Variants in CCM2 observed in about 807,000 individuals in gnomAD.
CCM2 encodes CCM2 scaffold protein.
Under a neutral mutation model 44.9 loss-of-function variants are expected in CCM2, and 25 were observed. The ratio of observed to expected loss-of-function variants is 0.56; its 90% CI spans 0.41 to 0.78. CCM2 has a LOEUF of 0.78. CCM2 is among the 30% of genes least tolerant of loss of function. The pLI is 0.00. For synonymous variants in CCM2, 219 were observed against 241.1 expected, an observed-to-expected ratio of 0.91 and a Z score of 0.85; for missense variants, 481 against 580.6, an observed-to-expected ratio of 0.83 and a Z score of 1.76.
chr7:45,069,198 C>T (rs1213179597), intron 5 of CCM2, among the ~76,000 whole-genome samples: 1 of 152,224 alleles, frequency 6.6e-6, no homozygotes, highest in Admixed American at 6.5e-5. Flanking sequence ...CTTAAATATC[C>T]TCTAATGAGC....
At chr7:45,054,390 G>T (rs890597130) in intron 2 of CCM2, among the ~76,000 whole-genome samples, 1 of 151,956 alleles carries the variant, frequency 6.6e-6, no homozygotes, top group African/African-American at 2.4e-5. Flanking sequence ...TCAGAATCCT[G>T]TTCCTTCCCT....
chr7:45,040,729 G>A, intron 2 of CCM2, among the ~76,000 whole-genome samples: 1 of 152,144 alleles, frequency 6.6e-6, no homozygotes, highest in East Asian at 1.9e-4. Context: ...GCTCACGCCT[G>A]TAATCCCAGC....
intron 8 of CCM2, chr7:45,073,953 T>TA (rs1396793033): frequency 3.8e-6 from 2 of 533,266 alleles, no homozygotes; most frequent in Non-Finnish European, 6.8e-6. Flanking sequence ...GTGTGTAGCC[T>TA]AAGGGCACAG....
intron 7 of CCM2, chr7:45,073,051 A>T (rs1429486409): frequency 3.3e-6 from 2 of 611,488 alleles, no homozygotes; most frequent in Non-Finnish European, 5.9e-6. Context: ...GGCATGTTGG[A>T]TGGAGCTGTT....
Position 45,073,641 on chromosome 7 carries a change from G to A in CCM2, c.915+70G>A. On this transcript the variant is annotated intron_variant, in intron 8 of 9. Coordinates refer to ENST00000258781, the MANE Select transcript of CCM2 (RefSeq NM_031443.4). ...TGCCCCAGGGAGGATGGGGGGAAGG[G>A]GAGGAGGAGGAGGAGCAGTGCAGGG... 4.1e-6 allele frequency: 4 copies of A among 969,646 alleles called. No homozygotes were observed. The South Asian group carries it at 4.3e-5, about 10-fold the overall frequency. The allele number at this position is 969,646 out of a possible 1,614,324, so 60.1% of individuals were successfully genotyped here.
chr7:45,064,954 C>T (rs1329362368), intron 4 of CCM2, among the ~76,000 whole-genome samples: 1 of 152,102 alleles, frequency 6.6e-6, no homozygotes, highest in Non-Finnish European at 1.5e-5. Context: ...AGTGGAGTTG[C>T]CCCTCTGCCC....
chr7:45,062,086 T>G (rs76959754), intron 2 of CCM2, among the ~76,000 whole-genome samples: 1 of 152,340 alleles, frequency 6.6e-6, no homozygotes, highest in East Asian at 1.9e-4. Context: ...TATTGTTTTT[T>G]CATGTGACCT....
intron 1 of CCM2, among the ~76,000 whole-genome samples, chr7:45,034,378 A>G (rs1797111578): frequency 6.6e-6 from 1 of 151,730 alleles, no homozygotes; most frequent in African/African-American, 2.4e-5. Context: ...CACCCAGCTA[A>G]TTTTTGGTAT....
At chr7:45,027,815 G>A in intron 1 of CCM2, 1 of 1,613,840 alleles carries the variant, frequency 6.2e-7, no homozygotes. Flanking sequence ...CAAGTCCAGT[G>A]TGGAAAGCGC....
intron 2 of CCM2, among the ~76,000 whole-genome samples, chr7:45,046,442 C>G (rs1797760243): frequency 6.6e-6 from 1 of 152,172 alleles, no homozygotes; most frequent in South Asian, 2.1e-4. Context: ...AACAGATCCA[C>G]ACATATATGC....
chr7:45,070,163 C>A, intron 6 of CCM2: 1 of 647,314 alleles, frequency 1.5e-6, no homozygotes, highest in Non-Finnish European at 2.6e-6. Context: ...GAGAGAGTTG[C>A]ACCAGGTCAG....
intron 2 of CCM2, among the ~76,000 whole-genome samples, chr7:45,052,475 C>T (rs767754879): frequency 1.3e-5 from 2 of 152,102 alleles, no homozygotes; most frequent in East Asian, 1.9e-4. Context: ...AGAACAGGTC[C>T]GCTGGGAAGT....
rs577145755 is a variant in CCM2 at position 45,073,591 on chromosome 7, A to G, written c.915+20A>G. The G allele has an allele frequency of 2.7e-5, 42 of 1,550,584 alleles. 1 individual carries two copies. The highest frequency in any genetic ancestry group is 2.2e-4 in the Admixed American group (13 of 59,330). ...CTGACGGTAGGCCTCCGCTGCAGGG[A>G]CGCTGGGCTGCATGAGGGAGGGGGT... On this transcript the variant is annotated intron_variant, in intron 8 of 9. Coordinates refer to ENST00000258781, the MANE Select transcript of CCM2 (RefSeq NM_031443.4).
intron 1 of CCM2, among the ~76,000 whole-genome samples, chr7:45,015,528 A>T (rs909279966): frequency 6.6e-6 from 1 of 152,230 alleles, no homozygotes; most frequent in African/African-American, 2.4e-5. Context: ...AAAAAAGGGT[A>T]AAGGTCAGTT....
chr7:45,027,593 G>A (rs914825999), intron 1 of CCM2: 17 of 1,602,270 alleles, frequency 1.1e-5, no homozygotes, highest in Middle Eastern at 1.6e-4. Flanking sequence ...CAGCTTCAGT[G>A]GCTTTGCAGA....
chr7:45,000,902 T>C (rs755270416), intron 1 of CCM2, among the ~76,000 whole-genome samples: 10 of 152,236 alleles, frequency 6.6e-5, no homozygotes, highest in Non-Finnish European at 1.2e-4. Flanking sequence ...CCCCAGTTTA[T>C]GTAGTTTTAC....
chr7:45,002,750 C>A (rs545684946), intron 1 of CCM2, among the ~76,000 whole-genome samples: 1 of 152,062 alleles, frequency 6.6e-6, no homozygotes, highest in Non-Finnish European at 1.5e-5. Context: ...GGCCATGGTT[C>A]GTTTAACAAA....
intron 2 of CCM2, 103 bp downstream of exon 2, chr7:45,038,529 A>G: frequency 8.6e-7 from 1 of 1,161,852 alleles, no homozygotes; most frequent in Admixed American, 1.7e-5. Flanking sequence ...CCACACAAAC[A>G]CCTTAGTAGT....
At position 45,074,353 on chromosome 7, in the gene CCM2, G is replaced by A. The variant is rs761242413; in HGVS notation, c.999G>A (p.Glu333=). The A allele has an allele frequency of 3.7e-6, 6 of 1,613,816 alleles. No individual in the cohort carries two copies. In the Admixed American group the frequency reaches 6.7e-5, roughly 18 times the overall value. ...ACCGCAATGGGGCCTCTATCCACGA[G>A]TTCTGCATCAACCTGCGGCAGCTCT... ...HEYRNGASIH[E]FCINLRQLYG... The change falls in exon 9 of 10, where the codon GAG becomes GAA. Residue 333 remains glutamate, a synonymous_variant. Transcript: ENST00000258781.
Sources: allele counts gnomAD v4.1 joint callset (sites outside exome capture counted in the v4.1 genomes callset), GRCh38; gene constraint gnomAD v4.1.1; transcripts MANE v1.5; gene names NCBI Gene and HGNC (gene_info 2026-07-23, HGNC 2026-07-21).